ARHGAP29: variants seen among roughly 807,000 people sequenced by gnomAD.
ARHGAP29 encodes rho GTPase-activating protein 29.
In ARHGAP29, 43 loss-of-function variants were observed where a neutral mutation model predicts 122.6. The ratio of observed to expected loss-of-function variants is 0.35; its 90% CI spans 0.27 to 0.45. ARHGAP29 has a LOEUF of 0.45. Ranked by LOEUF, ARHGAP29 falls within the 20% of genes least tolerant of loss-of-function variation. ARHGAP29 has a pLI of 1.00. For synonymous variants in ARHGAP29, 506 were observed against 497.1 expected (o/e 1.02, Z -0.24); for missense variants, 1,303 against 1,477.2 (o/e 0.88, Z 1.93).
At chr1:94,216,284 A>T (rs1379073434) in intron 3 of ARHGAP29, among the ~76,000 whole-genome samples, 2 of 152,238 alleles carry the variant, frequency 1.3e-5, no homozygotes, top group Non-Finnish European at 2.9e-5. Context: ...ACATCAATAT[A>T]AGGGATTACC....
chr1:94,190,075 A>G lies in ARHGAP29; in HGVS notation c.1290T>C (p.Val430=). Residue 430 remains valine, a synonymous_variant, in exon 13 of 23, where the codon GTT becomes GTC. Transcript: ENST00000260526. Reference sequence around the variant, plus strand: ...GCAGATGCTGCATGTGGAAGAGGTTAACTGTTACCTATGGACCCAGAGACA... The same window carrying G: ...GCAGATGCTGCATGTGGAAGAGGTTGACTGTTACCTATGGACCCAGAGACA... The part of the protein sequence containing the change: ...QCDLTLKAVT[V]NLFHMQHLQA... The G allele has an allele frequency of 1.2e-6, 2 of 1,613,112 alleles. No homozygotes were observed. Among genetic ancestry groups the G allele is most frequent in the Non-Finnish European group, 1.7e-6 (2 of 1,179,392 alleles).
intron 2 of ARHGAP29, among the ~76,000 whole-genome samples, chr1:94,224,271 C>T (rs1652491955): frequency 6.6e-6 from 1 of 152,162 alleles, no homozygotes; most frequent in South Asian, 2.1e-4. Context: ...ACACTGCCCT[C>T]TTTTTGAAAC....
chr1:94,235,960 G>T (rs1251946934), intron 1 of ARHGAP29, among the ~76,000 whole-genome samples: 3 of 152,124 alleles, frequency 2.0e-5, no homozygotes, highest in Non-Finnish European at 4.4e-5. Flanking sequence ...GTGTAAAACT[G>T]CCCCCAAACA....
chr1:94,179,492 G>A (rs892934908), intron 20 of ARHGAP29, among the ~76,000 whole-genome samples: 30 of 151,116 alleles, frequency 2.0e-4, no homozygotes, highest in African/African-American at 6.8e-4. Flanking sequence ...TACTTGGGAG[G>A]CTGAGGCAGA....
intron 1 of ARHGAP29, among the ~76,000 whole-genome samples, chr1:94,232,414 T>C (rs1240626202): frequency 6.6e-6 from 1 of 152,170 alleles, no homozygotes; most frequent in Non-Finnish European, 1.5e-5. Flanking sequence ...TCAAGGATAT[T>C]TCTTTGTTGA....
chr1:94,223,441 G>A (rs960398208), intron 2 of ARHGAP29, among the ~76,000 whole-genome samples: 2 of 151,988 alleles, frequency 1.3e-5, no homozygotes, highest in African/African-American at 2.4e-5. Context: ...AAAAAGATAA[G>A]GTAGCTAGTT....
intron 3 of ARHGAP29, among the ~76,000 whole-genome samples, chr1:94,219,268 ACCT>A (rs1413540043): frequency 2.6e-4 from 4 of 15,116 alleles, no homozygotes; most frequent in Non-Finnish European, 9.6e-4. Flanking sequence ...AATCCATGTC[ACCT>A]CCTTGCAGGT....
intron 12 of ARHGAP29, among the ~76,000 whole-genome samples, chr1:94,198,414 T>A (rs1570521748): frequency 6.6e-6 from 1 of 152,002 alleles, no homozygotes; most frequent in East Asian, 1.9e-4. Flanking sequence ...GAGGCTGCAG[T>A]GAGCTATGAT....
the ARHGAP29 span, among the ~76,000 whole-genome samples, chr1:94,313,905 C>T: frequency 6.6e-6 from 1 of 152,170 alleles, no homozygotes; most frequent in African/African-American, 2.4e-5. Context: ...TGTTCTCACT[C>T]ATAGGTGGGA....
intron 1 of ARHGAP29, among the ~76,000 whole-genome samples, chr1:94,247,479 G>A (rs1045163757): frequency 6.6e-6 from 1 of 151,382 alleles, no homozygotes; most frequent in Non-Finnish European, 1.5e-5. Context: ...GACCCTGGAC[G>A]GCAACTAGCC....
intron 1 of ARHGAP29, among the ~76,000 whole-genome samples, chr1:94,269,139 C>G (rs1414470379): frequency 2.6e-5 from 4 of 152,108 alleles, no homozygotes; most frequent in Non-Finnish European, 5.9e-5. Context: ...TAGGATTTCT[C>G]TGCTTTTACC....
rs1169895797 is a variant in ARHGAP29, at chr1:94,220,283, T to G, written c.315A>C (p.Ala105=). The change falls in exon 3 of 23, where the codon GCA becomes GCC. Residue 105 remains alanine (A), a synonymous_variant. Coordinates refer to ENST00000260526, the MANE Select transcript of ARHGAP29 (RefSeq NM_004815.4). ...CTTTCACTTTTGCAGTGAGCATTTC[T>G]GCAGCATTTTGAAGATCAACAGAAT... ...NLNSVDLQNA[A]EMLTAKVKAV... is the part of the protein sequence containing the mutation. 3.1e-6 allele frequency: 5 copies of G among 1,613,548 alleles called. No individual in the cohort carries two copies. The highest frequency in any genetic ancestry group is 4.2e-6 in the Non-Finnish European group (5 of 1,179,710).
chr1:94,217,684 T>C (rs1486760487), intron 3 of ARHGAP29, among the ~76,000 whole-genome samples: 1 of 151,932 alleles, frequency 6.6e-6, no homozygotes, highest in East Asian at 1.9e-4. Flanking sequence ...TGAAAAATTT[T>C]AGAAATTTAA....
At chr1:94,210,175 G>C (rs1377715803) in intron 3 of ARHGAP29, among the ~76,000 whole-genome samples, 1 of 152,122 alleles carries the variant, frequency 6.6e-6, no homozygotes, top group Non-Finnish European at 1.5e-5. Flanking sequence ...ACTTGGGCTG[G>C]GTATAAAGAG....
Position 94,203,983 on chromosome 1 carries a change from T to A in ARHGAP29, c.709A>T (p.Thr237Ser), listed in dbSNP as rs1190367816. 6.2e-7 allele frequency: 1 copy of A among 1,613,692 alleles called. No individual in the cohort carries two copies. The highest frequency in any genetic ancestry group is 1.3e-5 in the African/African-American group (1 of 74,904). ...EKKLNLELESTRNMVKLAEAT... is the reference protein window; with the variant it reads ...EKKLNLELESSRNMVKLAEAT... ...TCTGCCAACTTGACCATATTTCTAG[T>A]GGACTCCAATTCTGAAAAGTTCAAA... Residue 237 changes from threonine (T) to serine (S), a missense_variant, in exon 8 of 23, where the codon ACT becomes TCT. Transcript: ENST00000260526.
the ARHGAP29 span, among the ~76,000 whole-genome samples, chr1:94,307,387 C>T: frequency 2.6e-5 from 4 of 152,126 alleles, no homozygotes; most frequent in Non-Finnish European, 4.4e-5. Context: ...AATAATATTT[C>T]CTCTAGAAAA....
At chr1:94,206,417 G>T (rs1217506246) in intron 5 of ARHGAP29, among the ~76,000 whole-genome samples, 2 of 152,156 alleles carry the variant, frequency 1.3e-5, no homozygotes, top group African/African-American at 4.8e-5. Flanking sequence ...ACTGATCGAG[G>T]AGACCTGGGT....
At chr1:94,298,758 C>T in the ARHGAP29 span, among the ~76,000 whole-genome samples, 91 of 152,212 alleles carry the variant, frequency 6.0e-4, no homozygotes, top group East Asian at 0.014. Context: ...ATATATATAA[C>T]GAGTTCATTT....
intron 21 of ARHGAP29, 38 bp downstream of exon 21, chr1:94,177,814 A>G (rs1215251786): frequency 1.3e-6 from 2 of 1,559,204 alleles, no homozygotes; most frequent in Non-Finnish European, 1.7e-6. Flanking sequence ...CATAAATATT[A>G]CAAAGTTCTA....
Sources: gnomAD v4.1 joint callset for allele counts (sites outside exome capture counted in the v4.1 genomes callset) on GRCh38, gnomAD v4.1.1 for gene constraint, MANE v1.5 for transcripts, NCBI Gene and HGNC (gene_info 2026-07-23, HGNC 2026-07-21) for gene names.